OXR1: variants seen among roughly 807,000 people sequenced by gnomAD.
OXR1 encodes oxidation resistance 1, also known as oxidation resistance protein 1.
OXR1 carries 41 observed loss-of-function variants against 104.6 expected under a neutral mutation model. That is an observed-to-expected ratio of 0.39 (90% CI 0.31 to 0.51). OXR1 has a LOEUF of 0.51. Among genes scored for constraint, OXR1 ranks in the 20% least tolerant of loss-of-function variants. The probability of loss-of-function intolerance (pLI) is 0.77; values close to 1 mark genes in which losing one functional copy is unlikely to be tolerated. For missense variants in OXR1, 955 were observed against 1,031.9 expected (o/e 0.93, Z 1.02); for synonymous variants, 348 against 348.4 (o/e 1.00, Z 0.01).
At chr8:106,664,732 A>G (rs1826103222) in intron 3 of OXR1, among the ~76,000 whole-genome samples, 1 of 152,202 alleles carries the variant, frequency 6.6e-6, no homozygotes. Context: ...CATTTATTAT[A>G]TTTAAAACTT....
intron 11 of OXR1, among the ~76,000 whole-genome samples, chr8:106,718,000 G>C (rs746347324): frequency 1.3e-5 from 2 of 152,124 alleles, no homozygotes; most frequent in African/African-American, 4.8e-5. Flanking sequence ...ATAAGCTTAA[G>C]GAAACATATC....
chr8:106,633,992 A>G (rs1822922772), intron 3 of OXR1, among the ~76,000 whole-genome samples: 1 of 152,204 alleles, frequency 6.6e-6, no homozygotes, highest in Non-Finnish European at 1.5e-5. Flanking sequence ...TATTGGATTT[A>G]CCTGAATCGA....
At position 106,751,236 on chromosome 8, in the gene OXR1, C is replaced by G. The variant is rs1002871328; in HGVS notation, c.*295C>G. The G allele has an allele frequency of 1.4e-5, 3 of 214,070 alleles. No individual in the cohort carries two copies. Among genetic ancestry groups the G allele is most frequent in the African/African-American group, 6.9e-5 (3 of 43,586 alleles). The allele number at this position is 214,070 out of a possible 1,614,324, so 13.3% of individuals were successfully genotyped here. On this transcript the variant is annotated 3_prime_UTR_variant, in exon 17 of 17. Coordinates refer to ENST00000517566, the MANE Select transcript of OXR1 (RefSeq NM_001198533.2). Reference sequence around the variant, plus strand: ...GACAACTTCATTTTCACATGTTACTCAGTTCCCTAATAGGATGGTGCTCTT... The same window carrying G: ...GACAACTTCATTTTCACATGTTACTGAGTTCCCTAATAGGATGGTGCTCTT...
At chr8:106,462,483 G>A (rs1033300235) in intron 2 of OXR1, among the ~76,000 whole-genome samples, 13 of 152,110 alleles carry the variant, frequency 8.5e-5, no homozygotes, top group African/African-American at 3.1e-4. Flanking sequence ...TGAATGAATA[G>A]CAAATGCAAC....
chr8:106,410,071 GGATA>G (rs1445513624), intron 2 of OXR1, among the ~76,000 whole-genome samples: 1 of 151,894 alleles, frequency 6.6e-6, no homozygotes, highest in African/African-American at 2.4e-5. Context: ...AACTGACAAT[GGATA>G]GATAATTTCC....
intron 1 of OXR1, among the ~76,000 whole-genome samples, chr8:106,312,616 T>C (rs1813755202): frequency 6.6e-6 from 1 of 152,222 alleles, no homozygotes; most frequent in Non-Finnish European, 1.5e-5. Context: ...CCCTCACTTA[T>C]TAAGTTACTC....
chr8:106,561,978 A>G (rs763448383), intron 3 of OXR1, among the ~76,000 whole-genome samples: 1 of 152,226 alleles, frequency 6.6e-6, no homozygotes, highest in Non-Finnish European at 1.5e-5. Context: ...AGTTACCAAC[A>G]TAAAAGACCA....
At chr8:106,364,821 T>A (rs1816398393) in intron 2 of OXR1, among the ~76,000 whole-genome samples, 1 of 152,180 alleles carries the variant, frequency 6.6e-6, no homozygotes, top group Admixed American at 6.5e-5. Flanking sequence ...AAGCAGCCAC[T>A]TCATTTTAAG....
intron 15 of OXR1, among the ~76,000 whole-genome samples, chr8:106,744,884 A>G (rs1006874817): frequency 2.0e-5 from 3 of 152,182 alleles, no homozygotes; most frequent in African/African-American, 7.2e-5. Flanking sequence ...TCTTTTAGCA[A>G]ATTTGTACTT....
intron 2 of OXR1, among the ~76,000 whole-genome samples, chr8:106,453,930 C>T (rs553024473): frequency 6.6e-6 from 1 of 152,276 alleles, no homozygotes; most frequent in South Asian, 2.1e-4. Flanking sequence ...AAAAACCTGC[C>T]AATTAAACTA....
intron 3 of OXR1, among the ~76,000 whole-genome samples, chr8:106,555,929 T>TAC (rs199622309): frequency 4.2e-4 from 1 of 2,396 alleles, no homozygotes; most frequent in Non-Finnish European, 1.2e-3. Context: ...TATATATATG[T>TAC]ACATATATAT....
At chr8:106,554,442 C>T (rs1816108356) in intron 3 of OXR1, among the ~76,000 whole-genome samples, 1 of 152,030 alleles carries the variant, frequency 6.6e-6, no homozygotes, top group Non-Finnish European at 1.5e-5. Context: ...CTGGATTGGA[C>T]CCTGAACTAG....
intron 2 of OXR1, among the ~76,000 whole-genome samples, chr8:106,415,493 C>CTGTG (rs5893788): frequency 0.12 from 17,189 of 148,904 alleles, 1,107 homozygotes; most frequent in South Asian, 0.28. Context: ...AATTTTAAGA[C>CTGTG]TGTGTGTGTG....
At chr8:106,701,602 C>T (rs181113652) in intron 7 of OXR1, among the ~76,000 whole-genome samples, 4 of 152,136 alleles carry the variant, frequency 2.6e-5, no homozygotes, top group Admixed American at 2.6e-4. Context: ...ATATAGTGGA[C>T]TGAAAATTTG....
intron 2 of OXR1, among the ~76,000 whole-genome samples, chr8:106,466,979 G>T (rs1821205806): frequency 6.6e-6 from 1 of 151,760 alleles, no homozygotes; most frequent in Non-Finnish European, 1.5e-5. Flanking sequence ...TTTCATATTT[G>T]CATCTTTATT....
intron 2 of OXR1, among the ~76,000 whole-genome samples, chr8:106,469,043 T>A (rs1020773541): frequency 2.0e-5 from 3 of 151,674 alleles, no homozygotes; most frequent in Non-Finnish European, 4.4e-5. Context: ...GTTGTGTGTG[T>A]GTGTAGTATA....
chr8:106,428,937 C>A (rs1563518210), intron 2 of OXR1, among the ~76,000 whole-genome samples: 1 of 152,122 alleles, frequency 6.6e-6, no homozygotes, highest in Non-Finnish European at 1.5e-5. Flanking sequence ...ACCCTGGGAA[C>A]CCCCACACCA....
At chr8:106,486,197 T>C (rs1172713140) in intron 2 of OXR1, among the ~76,000 whole-genome samples, 1 of 152,160 alleles carries the variant, frequency 6.6e-6, no homozygotes, top group Non-Finnish European at 1.5e-5. Context: ...TATAGTTGTT[T>C]TAAAACATCA....
At chr8:106,474,224 T>C (rs576409150) in intron 2 of OXR1, among the ~76,000 whole-genome samples, 307 of 151,766 alleles carry the variant, frequency 2.0e-3, no homozygotes, top group African/African-American at 7.1e-3. Context: ...AGCTTTCGAA[T>C]GTCTGATCAT....
Sources: allele counts gnomAD v4.1 joint callset (sites outside exome capture counted in the v4.1 genomes callset), GRCh38; gene constraint gnomAD v4.1.1; transcripts MANE v1.5; gene names NCBI Gene and HGNC (gene_info 2026-07-23, HGNC 2026-07-21).